The following JAZF1 variants were observed in gnomAD, a reference collection of about 807,000 sequenced individuals.
JAZF1 encodes JAZF zinc finger 1, also known as juxtaposed with another zinc finger protein 1.
In JAZF1, 8 loss-of-function variants were observed where a neutral mutation model predicts 26.4. That is an observed-to-expected ratio of 0.30 (90% CI 0.18 to 0.55). The LOEUF (loss-of-function observed/expected upper bound fraction) is 0.55, where lower values mean the gene tolerates loss of function less well. Ranked by LOEUF, JAZF1 falls within the 20% of genes least tolerant of loss-of-function variation. The probability of loss-of-function intolerance (pLI) is 0.94; values close to 1 mark genes in which losing one functional copy is unlikely to be tolerated. For synonymous variants in JAZF1, 126 were observed against 122.3 expected (o/e 1.03, Z -0.20); for missense variants, 199 against 322.0 (o/e 0.62, Z 2.92).
At chr7:27,893,534 T>C (rs568701833) in intron 3 of JAZF1, among the ~76,000 whole-genome samples, 1 of 152,336 alleles carries the variant, frequency 6.6e-6, no homozygotes, top group East Asian at 1.9e-4. Flanking sequence ...TTGCAGAATG[T>C]TCCCTTTGTG....
chr7:28,004,127 G>C (rs1054713708), intron 1 of JAZF1, among the ~76,000 whole-genome samples: 4 of 152,136 alleles, frequency 2.6e-5, no homozygotes, highest in African/African-American at 9.7e-5. Flanking sequence ...TTCTAATAAA[G>C]TGTAAGAATC....
chr7:28,156,879 T>C (rs1455472900), intron 1 of JAZF1, among the ~76,000 whole-genome samples: 1 of 152,244 alleles, frequency 6.6e-6, no homozygotes, highest in East Asian at 1.9e-4. Context: ...AGTCATTGAA[T>C]GAATGCATGA....
intron 1 of JAZF1, among the ~76,000 whole-genome samples, chr7:28,032,824 A>T (rs1391107015): frequency 6.6e-6 from 1 of 152,146 alleles, no homozygotes; most frequent in Admixed American, 6.5e-5. Flanking sequence ...AAGTAACATT[A>T]GCACAACGGG....
At chr7:28,173,782 AAG>A (rs1459303477) in intron 1 of JAZF1, among the ~76,000 whole-genome samples, 1 of 151,592 alleles carries the variant, frequency 6.6e-6, no homozygotes. Flanking sequence ...GTGACCCAAG[AAG>A]AGTCCCTCTG....
At chr7:28,093,730 T>C (rs888340058) in intron 1 of JAZF1, among the ~76,000 whole-genome samples, 1 of 152,264 alleles carries the variant, frequency 6.6e-6, no homozygotes. Flanking sequence ...ACAGTGATAG[T>C]TCACTTCTCA....
intron 3 of JAZF1, among the ~76,000 whole-genome samples, chr7:27,890,797 T>TC: frequency 6.8e-6 from 1 of 148,008 alleles, no homozygotes; most frequent in East Asian, 2.0e-4. Context: ...TTTTTTTTTT[T>TC]TTTTTTTTTT....
chr7:28,176,296 G>C (rs910249572), intron 1 of JAZF1, among the ~76,000 whole-genome samples: 1 of 152,192 alleles, frequency 6.6e-6, no homozygotes, highest in Admixed American at 6.5e-5. Flanking sequence ...AGTCTGGTAC[G>C]ATCACATGAA....
chr7:27,949,530 G>A (rs1055864653), intron 2 of JAZF1, among the ~76,000 whole-genome samples: 2 of 152,100 alleles, frequency 1.3e-5, no homozygotes, highest in Admixed American at 6.5e-5. Flanking sequence ...GTCTGCCTCC[G>A]GCCAGGTGGA....
At chr7:27,865,862 C>T (rs761551665) in intron 3 of JAZF1, among the ~76,000 whole-genome samples, 2 of 152,212 alleles carry the variant, frequency 1.3e-5, no homozygotes, top group Non-Finnish European at 1.5e-5. Flanking sequence ...GATTCAGTAT[C>T]CTTTAGGACA....
chr7:27,941,315 C>CT (rs1784844772), intron 2 of JAZF1, among the ~76,000 whole-genome samples: 1 of 152,214 alleles, frequency 6.6e-6, no homozygotes, highest in Non-Finnish European at 1.5e-5. Context: ...GGGATGTGAT[C>CT]TTTTTGCCAA....
chr7:28,095,906 T>C (rs1229534428), intron 1 of JAZF1, among the ~76,000 whole-genome samples: 1 of 152,238 alleles, frequency 6.6e-6, no homozygotes, highest in Non-Finnish European at 1.5e-5. Context: ...TCTTGCTGTG[T>C]CCTCACACGG....
intron 3 of JAZF1, among the ~76,000 whole-genome samples, chr7:27,881,855 T>C (rs1783777345): frequency 6.6e-6 from 1 of 152,162 alleles, no homozygotes; most frequent in African/African-American, 2.4e-5. Flanking sequence ...CTTTTAACTA[T>C]ACAGTGACAC....
chr7:27,931,550 C>T (rs1244990658), intron 2 of JAZF1, among the ~76,000 whole-genome samples: 1 of 152,192 alleles, frequency 6.6e-6, no homozygotes, highest in African/African-American at 2.4e-5. Context: ...CGTGGTGGCT[C>T]ATGCCTGTAA....
At chr7:28,092,904 T>C (rs1000665307) in intron 1 of JAZF1, among the ~76,000 whole-genome samples, 1 of 152,064 alleles carries the variant, frequency 6.6e-6, no homozygotes, top group Admixed American at 6.5e-5. Context: ...GAAATTTTTA[T>C]CTAGAAATTT....
At chr7:28,000,311 G>C (rs1055983383) in intron 1 of JAZF1, among the ~76,000 whole-genome samples, 33 of 152,250 alleles carry the variant, frequency 2.2e-4, no homozygotes, top group Non-Finnish European at 7.4e-5. Context: ...TAGTATCTAG[G>C]GGGTAGAGGG....
chr7:28,115,268 A>G (rs948350575), intron 1 of JAZF1, among the ~76,000 whole-genome samples: 6 of 152,248 alleles, frequency 3.9e-5, no homozygotes, highest in African/African-American at 1.4e-4. Flanking sequence ...AATTAATTTA[A>G]TAATATGGTT....
At chr7:27,957,506 A>G (rs940550323) in intron 2 of JAZF1, among the ~76,000 whole-genome samples, 6 of 152,208 alleles carry the variant, frequency 3.9e-5, no homozygotes, top group Non-Finnish European at 8.8e-5. Flanking sequence ...CAGATGTATA[A>G]GAAAGTGGAT....
At chr7:27,903,334 C>T (rs1446367771) in intron 2 of JAZF1, among the ~76,000 whole-genome samples, 2 of 152,140 alleles carry the variant, frequency 1.3e-5, no homozygotes, top group African/African-American at 2.4e-5. Flanking sequence ...GCTGGGACTA[C>T]AGGCGTTCAC....
At chr7:28,010,572 C>A (rs1359518422) in intron 1 of JAZF1, among the ~76,000 whole-genome samples, 1 of 152,148 alleles carries the variant, frequency 6.6e-6, no homozygotes, top group East Asian at 1.9e-4. Context: ...ATCCTCAAAC[C>A]CATCATCCAA....
Sources: gnomAD v4.1 joint callset for allele counts (sites outside exome capture counted in the v4.1 genomes callset) on GRCh38, gnomAD v4.1.1 for gene constraint, MANE v1.5 for transcripts, NCBI Gene and HGNC (gene_info 2026-07-23, HGNC 2026-07-21) for gene names.